CCDC102B: variants seen among roughly 807,000 people sequenced by gnomAD.
CCDC102B encodes the protein coiled-coil domain containing 102B, also known as coiled-coil domain-containing protein 102B.
Under a neutral mutation model 57.4 loss-of-function variants are expected in CCDC102B, and 75 were observed. The observed-to-expected ratio is 1.31, with a 90% CI of 1.08 to 1.58. CCDC102B has a LOEUF of 1.58. Ranked by LOEUF, CCDC102B falls within the 40% of genes most tolerant of loss-of-function variation. The pLI is 0.00. For missense variants in CCDC102B, 636 were observed against 582.6 expected (o/e 1.09, Z -0.94); for synonymous variants, 206 against 201.9 (o/e 1.02, Z -0.17).
At chr18:68,874,914 G>T in intron 5 of CCDC102B, 129 bp downstream of exon 5, 1 of 614,652 alleles carries the variant, frequency 1.6e-6, no homozygotes, top group Non-Finnish European at 2.9e-6. Context: ...TGCTGCTAAT[G>T]TAATCAGCTT....
intron 7 of CCDC102B, among the ~76,000 whole-genome samples, chr18:69,032,414 G>T (rs2052171643): frequency 6.6e-6 from 1 of 152,044 alleles, no homozygotes; most frequent in Admixed American, 6.6e-5. Flanking sequence ...TCTTCCTTTG[G>T]TGTTGGACAA....
intron 2 of CCDC102B, among the ~76,000 whole-genome samples, chr18:68,743,324 C>T (rs916282425): frequency 1.3e-5 from 2 of 152,198 alleles, no homozygotes; most frequent in African/African-American, 4.8e-5. Context: ...AGGAGAATCA[C>T]TTGAACCCGG....
chr18:68,879,374 C>T (rs1258157092), intron 5 of CCDC102B, among the ~76,000 whole-genome samples: 2 of 152,092 alleles, frequency 1.3e-5, no homozygotes, highest in Non-Finnish European at 2.9e-5. Context: ...GAAGGGGACT[C>T]GAGCGGGTTG....
At chr18:69,027,885 C>T (rs1599868841) in intron 7 of CCDC102B, among the ~76,000 whole-genome samples, 1 of 151,964 alleles carries the variant, frequency 6.6e-6, no homozygotes, top group Non-Finnish European at 1.5e-5. Flanking sequence ...AATATGTTGC[C>T]CTGATCTCCA....
intron 7 of CCDC102B, among the ~76,000 whole-genome samples, chr18:69,012,125 T>A (rs1599846153): frequency 6.6e-6 from 1 of 152,150 alleles, no homozygotes; most frequent in Non-Finnish European, 1.5e-5. Flanking sequence ...TACTTTGTAA[T>A]GATATTCATG....
chr18:68,971,745 G>A (rs1048840253), intron 6 of CCDC102B, among the ~76,000 whole-genome samples: 2 of 151,998 alleles, frequency 1.3e-5, no homozygotes, highest in Non-Finnish European at 2.9e-5. Context: ...TCTCTTTTAT[G>A]CCCTCACAGA....
chr18:68,775,793 AC>A (rs1329184789), intron 2 of CCDC102B, among the ~76,000 whole-genome samples: 1 of 151,448 alleles, frequency 6.6e-6, no homozygotes, highest in Non-Finnish European at 1.5e-5. Flanking sequence ...AGCTGGGACT[AC>A]AGGCGCCCGC....
At chr18:68,886,852 A>G (rs1301488265) in intron 5 of CCDC102B, among the ~76,000 whole-genome samples, 3 of 152,060 alleles carry the variant, frequency 2.0e-5, no homozygotes, top group Non-Finnish European at 2.9e-5. Flanking sequence ...ACTCATTTCA[A>G]TGGACCCCAG....
At chr18:68,928,378 C>T (rs11876888) in intron 6 of CCDC102B, among the ~76,000 whole-genome samples, 41,272 of 151,660 alleles carry the variant, frequency 0.27, 7,131 homozygotes, top group East Asian at 0.65. Context: ...CTAGAAATTA[C>T]AGTTGATAAT....
chr18:69,009,047 A>G (rs970750649), intron 6 of CCDC102B, among the ~76,000 whole-genome samples: 12 of 152,202 alleles, frequency 7.9e-5, no homozygotes, highest in Admixed American at 4.6e-4. Flanking sequence ...TCACACAGCT[A>G]TGAGTATATC....
At position 68,779,516 on chromosome 18, in the gene CCDC102B, A is replaced by G. The variant is rs547524517; in HGVS notation, c.-66-43850A>G. ...TCACCTTTCTTTTGTATTTTCATAG[A>G]AATTCAATAATGTACATCACATGTT... On this transcript the variant is annotated intron_variant, in intron 2 of 3. Transcript: ENST00000578970. Among the ~76,000 whole-genome samples the G allele has an allele frequency of 1.3e-5, 2 of 151,744 alleles. 1 individual carries two copies. Among genetic ancestry groups the G allele is most frequent in the South Asian group, 4.2e-4 (2 of 4,790 alleles).
intron 6 of CCDC102B, among the ~76,000 whole-genome samples, chr18:68,940,890 A>G (rs997553722): frequency 6.6e-6 from 1 of 151,876 alleles, no homozygotes; most frequent in Non-Finnish European, 1.5e-5. Context: ...CTAAATTCAA[A>G]AAAAGTAAAC....
chr18:68,985,349 G>T (rs2050696909), intron 6 of CCDC102B, among the ~76,000 whole-genome samples: 2 of 152,110 alleles, frequency 1.3e-5, no homozygotes, highest in Non-Finnish European at 2.9e-5. Context: ...GATACTGAGA[G>T]ATATGAAAAT....
chr18:68,781,785 G>C (rs1478450262), intron 2 of CCDC102B, among the ~76,000 whole-genome samples: 1 of 152,030 alleles, frequency 6.6e-6, no homozygotes, highest in African/African-American at 2.4e-5. Context: ...GAAAGATTGG[G>C]TTATAAGTAT....
intron 2 of CCDC102B, among the ~76,000 whole-genome samples, chr18:68,735,338 G>A (rs544690402): frequency 2.0e-5 from 3 of 152,180 alleles, no homozygotes; most frequent in African/African-American, 7.2e-5. Context: ...GAATTACAGG[G>A]GTGAGGCAGC....
At chr18:68,741,713 A>ACACACACACACACACACC (rs1393809459) in intron 2 of CCDC102B, among the ~76,000 whole-genome samples, 5 of 97,650 alleles carry the variant, frequency 5.1e-5, no homozygotes, top group African/African-American at 2.2e-4. Flanking sequence ...ACACACACAC[A>ACACACACACACACACACC]CCCCAAGACA....
intron 5 of CCDC102B, among the ~76,000 whole-genome samples, chr18:68,891,546 T>A (rs1302824017): frequency 6.6e-6 from 1 of 152,258 alleles, no homozygotes; most frequent in Non-Finnish European, 1.5e-5. Flanking sequence ...TGTATTGTTT[T>A]GCTCAGGCTA....
chr18:68,816,934 A>T (rs1308453288), intron 1 of CCDC102B, among the ~76,000 whole-genome samples: 1 of 152,208 alleles, frequency 6.6e-6, no homozygotes, highest in African/African-American at 2.4e-5. Context: ...ATTCAAGCTA[A>T]CTTATGCTAT....
chr18:68,771,683 T>C (rs1323139717), intron 2 of CCDC102B, among the ~76,000 whole-genome samples: 1 of 152,184 alleles, frequency 6.6e-6, no homozygotes, highest in Non-Finnish European at 1.5e-5. Flanking sequence ...TGTGGATACA[T>C]TTGAATATCT....
Sources: allele counts gnomAD v4.1 joint callset (sites outside exome capture counted in the v4.1 genomes callset), GRCh38; gene constraint gnomAD v4.1.1; transcripts MANE v1.5; gene names NCBI Gene and HGNC (gene_info 2026-07-23, HGNC 2026-07-21).